Variants in ATP10D observed in about 807,000 individuals in gnomAD.
ATP10D encodes the protein phospholipid-transporting ATPase VD.
Under a neutral mutation model 144.8 loss-of-function variants are expected in ATP10D, and 89 were observed. The ratio of observed to expected loss-of-function variants is 0.61; its 90% CI spans 0.52 to 0.73. The LOEUF is 0.73. Among genes scored for constraint, ATP10D ranks in the 30% least tolerant of loss-of-function variants. The pLI, the probability that ATP10D is intolerant of heterozygous loss-of-function variation, is 0.00. For synonymous variants in ATP10D, 571 were observed against 615.1 expected (o/e 0.93, Z 1.06); for missense variants, 1,603 against 1,714.8 (o/e 0.93, Z 1.15).
chr4:47,586,864 A>G (rs985360501), intron 21 of ATP10D, among the ~76,000 whole-genome samples, 155 bp from the exon 22 acceptor site: 2 of 152,204 alleles, frequency 1.3e-5, no homozygotes, highest in African/African-American at 2.4e-5. Context: ...AAATACTCCC[A>G]TCTCCTTGAT....
At chr4:47,566,726 C>G (rs571565954) in intron 15 of ATP10D, among the ~76,000 whole-genome samples, 53 of 152,284 alleles carry the variant, frequency 3.5e-4, no homozygotes, top group African/African-American at 1.3e-3. Flanking sequence ...CTGACCACTG[C>G]TTTTAGAGGA....
chr4:47,509,745 C>T (rs1187028569), intron 1 of ATP10D, among the ~76,000 whole-genome samples: 1 of 152,138 alleles, frequency 6.6e-6, no homozygotes, highest in Non-Finnish European at 1.5e-5. Context: ...CTATCCATTT[C>T]CATGTATAAT....
chr4:47,562,658 A>AT (rs1719377248), intron 14 of ATP10D, among the ~76,000 whole-genome samples: 1 of 152,182 alleles, frequency 6.6e-6, no homozygotes, highest in Non-Finnish European at 1.5e-5. Context: ...TGAAAATGGA[A>AT]TTACCGTTCA....
chr4:47,589,059 G>T (rs1353459187), intron 22 of ATP10D, among the ~76,000 whole-genome samples: 1 of 152,106 alleles, frequency 6.6e-6, no homozygotes, highest in African/African-American at 2.4e-5. Flanking sequence ...TAAGAAAGAG[G>T]CAGAGGGAGA....
intron 1 of ATP10D, among the ~76,000 whole-genome samples, chr4:47,489,714 C>T (rs888544023): frequency 6.6e-5 from 10 of 152,260 alleles, no homozygotes; most frequent in African/African-American, 2.4e-4. Context: ...CTGATGAGAA[C>T]ATTTGGATTA....
chr4:47,531,575 A>T (rs945221031), intron 5 of ATP10D, among the ~76,000 whole-genome samples: 5 of 152,212 alleles, frequency 3.3e-5, no homozygotes, highest in Admixed American at 2.0e-4. Context: ...TGGGGTTAGT[A>T]TTAGAAAAGT....
At chr4:47,532,238 G>T (rs1188616276) in intron 5 of ATP10D, among the ~76,000 whole-genome samples, 1 of 152,184 alleles carries the variant, frequency 6.6e-6, no homozygotes, top group Non-Finnish European at 1.5e-5. Flanking sequence ...TGGGCACTGA[G>T]TCTTGTTCAG....
chr4:47,518,695 T>C (rs1716802600), intron 3 of ATP10D, among the ~76,000 whole-genome samples: 1 of 152,212 alleles, frequency 6.6e-6, no homozygotes, highest in Non-Finnish European at 1.5e-5. Flanking sequence ...AGAACTTCAG[T>C]AGCCATCTAA....
intron 3 of ATP10D, among the ~76,000 whole-genome samples, chr4:47,516,719 AT>A (rs1369186255): frequency 6.6e-6 from 1 of 152,232 alleles, no homozygotes; most frequent in African/African-American, 2.4e-5. Flanking sequence ...CTTTTGTAAG[AT>A]GATTTGAGAT....
At chr4:47,490,277 C>A (rs1420356862) in intron 1 of ATP10D, among the ~76,000 whole-genome samples, 1 of 152,132 alleles carries the variant, frequency 6.6e-6, no homozygotes, top group African/African-American at 2.4e-5. Flanking sequence ...CACAAATATT[C>A]TATTTATCTG....
intron 5 of ATP10D, among the ~76,000 whole-genome samples, chr4:47,528,458 G>GGTGT (rs372960268): frequency 1.2e-4 from 14 of 116,268 alleles, no homozygotes; most frequent in African/African-American, 4.5e-4. Context: ...AGTAGTCCAT[G>GGTGT]GTGTGTGTGT....
chr4:47,512,760 A>G lies in ATP10D; in HGVS notation c.220A>G (p.Asn74Asp). 6 of 1,614,100 alleles carry G rather than the reference A, an allele frequency of 3.7e-6. No individual in the cohort carries two copies. The highest frequency in any genetic ancestry group is 5.1e-6 in the Non-Finnish European group (6 of 1,179,892). The change falls in exon 2 of 23, where the codon AAT becomes GAT. Residue 74 changes from asparagine (N) to aspartate (D), a missense_variant. By Grantham distance (23) the Asn-to-Asp change is conservative (BLOSUM62 1). Transcript: ENST00000273859. Reference protein sequence around the residue: ...YEKFSGAYVNNRIRTTKYTLL... With the variant: ...YEKFSGAYVNDRIRTTKYTLL... The stretch of plus-strand genomic sequence containing the variant: ...GAAGTTCTCCGGAGCCTATGTGAAC[A>G]ATCGAATACGAACAACAAAGTACAC...
chr4:47,582,969 C>A (rs1283330209), intron 21 of ATP10D: 2 of 152,072 alleles, frequency 1.3e-5, no homozygotes, highest in Non-Finnish European at 1.5e-5. Context: ...ATAGTGAGAC[C>A]CTGTCTCTAA....
At chr4:47,576,492 C>T (rs1422352853) in intron 18 of ATP10D, among the ~76,000 whole-genome samples, 1 of 152,016 alleles carries the variant, frequency 6.6e-6, no homozygotes, top group African/African-American at 2.4e-5. Context: ...AATGTAATTC[C>T]CAGGTTGTTA....
chr4:47,542,653 A>C (rs1312785486), intron 9 of ATP10D, among the ~76,000 whole-genome samples: 4 of 151,120 alleles, frequency 2.6e-5, no homozygotes, highest in Non-Finnish European at 4.4e-5. Flanking sequence ...AATTTTGTGT[A>C]TTTTTAGTAG....
rs1179294824 is a variant in ATP10D at position 47,576,192 on chromosome 4, A to T, written c.3367-581A>T. ...GTGATCCACCCGCCTCGGCCTCCCA[A>T]AGTGTGGGGTCCCTTTTATAAAGAA... On this transcript the variant is annotated intron_variant, in intron 18 of 22. Transcript: ENST00000273859. Among the ~76,000 whole-genome samples the T allele has an allele frequency of 2.6e-5, 4 of 151,804 alleles. No individual in the cohort carries two copies. The East Asian group carries it at 7.8e-4, about 29-fold the overall frequency.
At chr4:47,554,055 G>A (rs912806563) in intron 10 of ATP10D, among the ~76,000 whole-genome samples, 15 of 152,178 alleles carry the variant, frequency 9.9e-5, no homozygotes, top group African/African-American at 2.7e-4. Flanking sequence ...GTACTCTCAC[G>A]TGTGAGAAGC....
At chr4:47,574,857 G>A (rs1720143366) in intron 18 of ATP10D, among the ~76,000 whole-genome samples, 1 of 152,132 alleles carries the variant, frequency 6.6e-6, no homozygotes, top group African/African-American at 2.4e-5. Flanking sequence ...CTGGAGTGCA[G>A]TGGCATGATA....
intron 1 of ATP10D, among the ~76,000 whole-genome samples, chr4:47,492,154 A>G (rs189989858): frequency 1.3e-5 from 2 of 152,322 alleles, no homozygotes; most frequent in African/African-American, 4.8e-5. Flanking sequence ...TCAGTGTGTT[A>G]GGCACAGTGC....
Sources: gnomAD v4.1 joint callset for allele counts (sites outside exome capture counted in the v4.1 genomes callset) on GRCh38, gnomAD v4.1.1 for gene constraint, MANE v1.5 for transcripts, NCBI Gene and HGNC (gene_info 2026-07-23, HGNC 2026-07-21) for gene names.